DLG2: variants seen among roughly 807,000 people sequenced by gnomAD.
DLG2 encodes the protein discs large MAGUK scaffold protein 2.
A neutral mutation model predicts 132.5 loss-of-function variants in DLG2; 45 were observed. The observed-to-expected ratio is 0.34, with a 90% CI of 0.27 to 0.44. The LOEUF is 0.44. Ranked by LOEUF, DLG2 falls within the 20% of genes least tolerant of loss-of-function variation. The pLI is 1.00. For synonymous variants in DLG2, 424 were observed against 419.6 expected, an observed-to-expected ratio of 1.01 and a Z score of -0.13; for missense variants, 1,045 against 1,196.9, an observed-to-expected ratio of 0.87 and a Z score of 1.87.
intron 7 of DLG2, among the ~76,000 whole-genome samples, chr11:84,446,833 T>C (rs1045834762): frequency 3.3e-5 from 5 of 152,076 alleles, no homozygotes; most frequent in African/African-American, 1.2e-4. Context: ...AACCCTACAC[T>C]CTCACCCTAA....
intron 10 of DLG2, among the ~76,000 whole-genome samples, chr11:84,090,527 A>T (rs2097073702): frequency 6.6e-6 from 1 of 152,198 alleles, no homozygotes; most frequent in Non-Finnish European, 1.5e-5. Flanking sequence ...TCTTACTCTT[A>T]ATCAAGTAAA....
intron 19 of DLG2, among the ~76,000 whole-genome samples, chr11:83,566,595 T>C (rs1593337108): frequency 6.6e-6 from 1 of 152,222 alleles, no homozygotes. Context: ...TTATATATAG[T>C]ATTTAACATA....
chr11:85,537,647 C>G lies in DLG2; in HGVS notation c.40+61010G>C, dbSNP rs1183439766. 2.0e-5 allele frequency among the ~76,000 whole-genome samples: 3 copies of G among 151,752 alleles called. 1 individual carries two copies. Among genetic ancestry groups the G allele is most frequent in the African/African-American group, 7.3e-5 (3 of 41,084 alleles). ...TCATGAGGCCAGCAAGACCACGAACCCACCAGAAGGAATGAACAACTCCAG... is the reference window on the plus strand; with the variant it reads ...TCATGAGGCCAGCAAGACCACGAACGCACCAGAAGGAATGAACAACTCCAG... On this transcript the variant is annotated intron_variant, in intron 3 of 27. Transcript: ENST00000376104.
chr11:84,609,647 T>C (rs990398535), intron 6 of DLG2, among the ~76,000 whole-genome samples: 4 of 152,094 alleles, frequency 2.6e-5, no homozygotes, highest in African/African-American at 9.7e-5. Context: ...TGTATAAAAA[T>C]TGGAAAATGA....
chr11:85,381,959 A>G (rs1414027855), intron 3 of DLG2, among the ~76,000 whole-genome samples: 3 of 152,154 alleles, frequency 2.0e-5, no homozygotes, highest in Non-Finnish European at 2.9e-5. Context: ...ATCCCAGCTG[A>G]GTCTATGGTC....
At chr11:84,232,739 C>T (rs1226963693) in intron 8 of DLG2, among the ~76,000 whole-genome samples, 1 of 152,168 alleles carries the variant, frequency 6.6e-6, no homozygotes, top group Non-Finnish European at 1.5e-5. Context: ...ACTTCCCAGT[C>T]AGCATGATAA....
At chr11:84,642,033 CAT>C (rs34448587) in intron 6 of DLG2, among the ~76,000 whole-genome samples, 21,684 of 146,080 alleles carry the variant, frequency 0.15, 1,930 homozygotes, top group African/African-American at 0.25. Flanking sequence ...CACACACACA[CAT>C]GCATACGTAT....
At chr11:85,207,236 A>T (rs1294230477) in intron 4 of DLG2, among the ~76,000 whole-genome samples, 1 of 152,168 alleles carries the variant, frequency 6.6e-6, no homozygotes, top group Non-Finnish European at 1.5e-5. Context: ...ATGTCTTCTT[A>T]GACTGTGTAA....
intron 15 of DLG2, among the ~76,000 whole-genome samples, chr11:83,898,460 T>C (rs2072421061): frequency 6.6e-6 from 1 of 152,094 alleles, no homozygotes; most frequent in Admixed American, 6.6e-5. Context: ...AACGACATTT[T>C]CTTCATTTAC....
At chr11:84,964,548 T>C (rs554578350) in intron 6 of DLG2, among the ~76,000 whole-genome samples, 181 of 152,256 alleles carry the variant, frequency 1.2e-3, no homozygotes, top group Middle Eastern at 6.8e-3. Context: ...TATAATATTG[T>C]TTGCTTTGCT....
At chr11:85,463,238 G>A (rs1393983941) in intron 3 of DLG2, among the ~76,000 whole-genome samples, 1 of 151,992 alleles carries the variant, frequency 6.6e-6, no homozygotes, top group African/African-American at 2.4e-5. Context: ...CTCTTTTATG[G>A]GTCCCATGCT....
intron 5 of DLG2, among the ~76,000 whole-genome samples, chr11:85,122,699 A>G (rs759203299): frequency 6.6e-6 from 1 of 151,912 alleles, no homozygotes; most frequent in Non-Finnish European, 1.5e-5. Flanking sequence ...CATTTCCAGC[A>G]GTTTTCTAGC....
chr11:85,109,860 G>C (rs189589798), intron 6 of DLG2, among the ~76,000 whole-genome samples: 1 of 152,232 alleles, frequency 6.6e-6, no homozygotes, highest in South Asian at 2.1e-4. Flanking sequence ...GTTAAAGAAT[G>C]ATGAAGAGGA....
chr11:84,919,446 T>C (rs2092654955), intron 6 of DLG2, among the ~76,000 whole-genome samples: 1 of 152,162 alleles, frequency 6.6e-6, no homozygotes. Flanking sequence ...CAGTAAATTT[T>C]AAAAATAAAG....
At chr11:83,842,969 G>A (rs1307651646) in intron 16 of DLG2, among the ~76,000 whole-genome samples, 1 of 152,154 alleles carries the variant, frequency 6.6e-6, no homozygotes, top group East Asian at 1.9e-4. Context: ...GCTGTATTGG[G>A]TAGTGGGAAT....
At chr11:84,799,354 C>G (rs1246796099) in intron 6 of DLG2, among the ~76,000 whole-genome samples, 4 of 152,144 alleles carry the variant, frequency 2.6e-5, no homozygotes. Context: ...CTTCCTCCCC[C>G]AAGTGCACAG....
intron 7 of DLG2, among the ~76,000 whole-genome samples, chr11:84,380,353 T>C (rs1601046989): frequency 2.6e-5 from 4 of 152,022 alleles, no homozygotes; most frequent in South Asian, 4.1e-4. Flanking sequence ...ATTTACCCTA[T>C]ACTAGGCCAT....
chr11:84,394,443 C>T (rs1476496533), intron 7 of DLG2, among the ~76,000 whole-genome samples: 2 of 151,756 alleles, frequency 1.3e-5, no homozygotes, highest in South Asian at 4.2e-4. Context: ...ATATACACTG[C>T]CCTCTCTGCA....
chr11:84,224,504 C>A (rs373144351), intron 8 of DLG2, among the ~76,000 whole-genome samples: 12 of 152,280 alleles, frequency 7.9e-5, no homozygotes, highest in African/African-American at 2.9e-4. Flanking sequence ...TGGGGAAAAT[C>A]ATGATAATGA....
Sources: gnomAD v4.1 joint callset for allele counts (sites outside exome capture counted in the v4.1 genomes callset) on GRCh38, gnomAD v4.1.1 for gene constraint, MANE v1.5 for transcripts, NCBI Gene and HGNC (gene_info 2026-07-23, HGNC 2026-07-21) for gene names.